RAVER2: variants seen among roughly 807,000 people sequenced by gnomAD.
The protein encoded by RAVER2 is ribonucleoprotein PTB-binding 2.
A neutral mutation model predicts 78.1 loss-of-function variants in RAVER2; 46 were observed. The ratio of observed to expected loss-of-function variants is 0.59; its 90% confidence interval spans 0.46 to 0.75. The LOEUF is 0.75. Among genes scored for constraint, RAVER2 ranks in the 30% least tolerant of loss-of-function variants. The pLI is 0.00. For missense variants in RAVER2, 793 were observed against 837.5 expected (o/e 0.95, Z 0.66); for synonymous variants, 311 against 313.3 (o/e 0.99, Z 0.08).
At chr1:64,767,536 G>T (rs1407865021) in intron 1 of RAVER2, among the ~76,000 whole-genome samples, 3 of 151,890 alleles carry the variant, frequency 2.0e-5, no homozygotes, top group East Asian at 1.9e-4. Flanking sequence ...AGCATTTTAG[G>T]TTACATACTT....
chr1:64,769,407 GGC>G (rs897640899), intron 2 of RAVER2, among the ~76,000 whole-genome samples: 3 of 151,918 alleles, frequency 2.0e-5, no homozygotes, highest in African/African-American at 7.2e-5. Context: ...CTTGTCTAGG[GGC>G]AGGCACTGAT....
At chr1:64,755,881 C>A (rs1249335298) in intron 1 of RAVER2, among the ~76,000 whole-genome samples, 1 of 151,888 alleles carries the variant, frequency 6.6e-6, no homozygotes, top group East Asian at 1.9e-4. Context: ...TGTTTTCCCC[C>A]TGAACTGTTG....
At chr1:64,788,723 C>T (rs1422314209) in intron 4 of RAVER2, among the ~76,000 whole-genome samples, 5 of 145,792 alleles carry the variant, frequency 3.4e-5, no homozygotes, top group South Asian at 2.2e-4. Context: ...ACCCGGGAGG[C>T]GGAGCTTGCA....
intron 1 of RAVER2, among the ~76,000 whole-genome samples, chr1:64,756,957 G>A (rs1183985475): frequency 1.3e-5 from 2 of 152,178 alleles, no homozygotes; most frequent in Non-Finnish European, 2.9e-5. Context: ...AGCTTCTGAT[G>A]ACATCATATC....
intron 9 of RAVER2, among the ~76,000 whole-genome samples, chr1:64,812,112 G>T (rs543528151): frequency 1.8e-4 from 27 of 152,024 alleles, no homozygotes; most frequent in Non-Finnish European, 3.7e-4. Context: ...TTGGTGTTGA[G>T]CCAACACTTT....
At chr1:64,775,441 C>T (rs1232914375) in intron 2 of RAVER2, among the ~76,000 whole-genome samples, 1 of 152,196 alleles carries the variant, frequency 6.6e-6, no homozygotes, top group Non-Finnish European at 1.5e-5. Context: ...TTCACCAAAA[C>T]ATTTCCAGTG....
chr1:64,782,508 A>T (rs1652658539), intron 4 of RAVER2, among the ~76,000 whole-genome samples: 1 of 152,210 alleles, frequency 6.6e-6, no homozygotes, highest in African/African-American at 2.4e-5. Flanking sequence ...GTTGATGAGA[A>T]GTGAATAGGA....
intron 2 of RAVER2, among the ~76,000 whole-genome samples, chr1:64,776,365 C>T (rs552148539): frequency 4.7e-4 from 71 of 152,208 alleles, no homozygotes; most frequent in African/African-American, 1.7e-3. Flanking sequence ...AGTTTTCTTG[C>T]GTGTGGGACA....
At chr1:64,758,753 C>T (rs2100810406) in intron 1 of RAVER2, among the ~76,000 whole-genome samples, 1 of 152,110 alleles carries the variant, frequency 6.6e-6, no homozygotes, top group East Asian at 1.9e-4. Context: ...AAACAGAAAA[C>T]CCAATGGGGC....
chr1:64,794,242 CA>C (rs1277140956), intron 5 of RAVER2, among the ~76,000 whole-genome samples: 1 of 151,816 alleles, frequency 6.6e-6, no homozygotes, highest in African/African-American at 2.4e-5. Context: ...ACTAAAAATA[CA>C]AAAAATTAGC....
rs1020502875 is a variant in RAVER2, at chr1:64,759,919, A to G, written c.250-8737A>G. On this transcript the variant is annotated intron_variant, in intron 1 of 11. Coordinates refer to ENST00000294428, the Ensembl canonical transcript of RAVER2. Reference sequence around the variant, plus strand: ...GCATTAGAGTTGATAAAGGTAATCTATGGAAACAAAATGTCATATATTTAA... The same window carrying G: ...GCATTAGAGTTGATAAAGGTAATCTGTGGAAACAAAATGTCATATATTTAA... Among the ~76,000 whole-genome samples, 4 of 152,210 alleles carry G rather than the reference A, an allele frequency of 2.6e-5. No individual in the cohort carries two copies. The South Asian group carries it at 8.3e-4, about 32-fold the overall frequency.
intron 11 of RAVER2, chr1:64,816,235 T>C (rs1203274210): frequency 2.0e-5 from 3 of 152,234 alleles, no homozygotes; most frequent in Non-Finnish European, 4.4e-5. Flanking sequence ...GGAAAGACTT[T>C]CTCATTCACA....
chr1:64,776,513 C>T (rs1314561448), intron 2 of RAVER2, among the ~76,000 whole-genome samples: 1 of 152,190 alleles, frequency 6.6e-6, no homozygotes, highest in Non-Finnish European at 1.5e-5. Context: ...CAGAATTGCC[C>T]ATGCTACTTA....
At chr1:64,828,300 G>A (rs913916194) in intron 11 of RAVER2, among the ~76,000 whole-genome samples, 1 of 151,980 alleles carries the variant, frequency 6.6e-6, no homozygotes, top group Non-Finnish European at 1.5e-5. Context: ...ATGAGCTGTG[G>A]GAGGGCATAG....
At chr1:64,831,223 A>G (rs1489274569) in exon 12 of RAVER2, 4 of 326,508 alleles carry the variant, frequency 1.2e-5, no homozygotes, top group South Asian at 1.3e-4. Context: ...CTAACTTACA[A>G]TCCATTGGAG....
chr1:64,809,890 T>A (rs555862302), intron 9 of RAVER2, among the ~76,000 whole-genome samples: 39 of 152,340 alleles, frequency 2.6e-4, no homozygotes, highest in East Asian at 1.7e-3. Flanking sequence ...GCATAATGTT[T>A]TCTAGATTCA....
intron 3 of RAVER2, among the ~76,000 whole-genome samples, chr1:64,779,657 T>C (rs10493370): frequency 0.097 from 14,810 of 151,950 alleles, 1,041 homozygotes; most frequent in East Asian, 0.28. Context: ...GATTGGCTTA[T>C]TGATATGTTC....
chr1:64,807,609 A>G (rs1410032627), intron 9 of RAVER2, 135 bp downstream of exon 9: 10 of 1,007,112 alleles, frequency 9.9e-6, no homozygotes, highest in Non-Finnish European at 8.2e-6. Flanking sequence ...TTCAAAATTG[A>G]AGAAAACATT....
In RAVER2 at chr1:64,745,375, G is replaced by T; in HGVS notation, c.203G>T (p.Arg68Leu). Reference sequence around the variant, plus strand: ...CGGATGCAGCGGGAGCTGAGCAACCGCAGGAAAATCCTGGTGAAAAACCTG... The same window carrying T: ...CGGATGCAGCGGGAGCTGAGCAACCTCAGGAAAATCCTGGTGAAAAACCTG... Residue 68 changes from arginine to leucine, a missense_variant, in exon 1 of 12, where the codon CGC becomes CTC. Arg to Leu is a moderately radical substitution (Grantham distance 102, BLOSUM62 -2). Transcript: ENST00000294428. This position sits in a 1 kb window ranked among gnomAD's most constrained non-coding sequence, Gnocchi z 4.3. 1.3e-6 allele frequency: 2 copies of T among 1,543,236 alleles called. No individual in the cohort carries two copies. The highest frequency in any genetic ancestry group is 1.7e-6 in the Non-Finnish European group (2 of 1,143,370).
Sources: allele counts gnomAD v4.1 joint callset (sites outside exome capture counted in the v4.1 genomes callset), GRCh38; gene constraint gnomAD v4.1.1; non-coding constraint Gnocchi (gnomAD v3.1); transcripts MANE v1.5; gene names NCBI Gene and HGNC (gene_info 2026-07-23, HGNC 2026-07-21).